PMPCA: variants seen among roughly 807,000 people sequenced by gnomAD.
The protein encoded by PMPCA is mitochondrial-processing peptidase subunit alpha.
A neutral mutation model predicts 59.3 loss-of-function variants in PMPCA; 47 were observed. The observed-to-expected ratio is 0.79, with a 90% CI of 0.63 to 1.01. The LOEUF is 1.01. PMPCA is among the 50% of genes least tolerant of loss of function. The probability of loss-of-function intolerance (pLI) is 0.00; values close to 1 mark genes in which losing one functional copy is unlikely to be tolerated. For synonymous variants in PMPCA, 338 were observed against 290.3 expected (o/e 1.16, Z -1.67); for missense variants, 726 against 704.5 (o/e 1.03, Z -0.34).
chr9:136,412,652 T>C (rs1054402500), intron 3 of PMPCA, 83 bp downstream of exon 3: 19 of 814,282 alleles, frequency 2.3e-5, no homozygotes, highest in Non-Finnish European at 3.7e-5. Flanking sequence ...GTTATTTTAA[T>C]AAATTATCAA....
At position 136,417,233 on chromosome 9, in the gene PMPCA, C is replaced by T. The variant is rs749936833; in HGVS notation, c.897+19C>T. 1.3e-6 allele frequency: 2 copies of T among 1,547,376 alleles called. No homozygotes were observed. The highest frequency in any genetic ancestry group is 2.3e-5 in the East Asian group (1 of 43,930). On this transcript the variant is annotated intron_variant, in intron 7 of 12. Coordinates refer to ENST00000371717, the MANE Select transcript of PMPCA (RefSeq NM_015160.3). ...TGCCAAGGTGAAGTAGCGGGAACGT[C>T]TCATGGCCTCGGGTGGGGAACACGT... is the stretch of plus-strand genomic sequence containing the variant.
intron 12 of PMPCA, 152 bp downstream of exon 12, chr9:136,422,128 C>T (rs773469852): frequency 1.3e-5 from 20 of 1,543,790 alleles, no homozygotes; most frequent in Middle Eastern, 1.7e-4. Context: ...GCAGGGGCGG[C>T]CAAGGGCAGG....
intron 7 of PMPCA, 87 bp downstream of exon 7, chr9:136,417,301 G>A (rs920406122): frequency 8.7e-7 from 1 of 1,150,480 alleles, no homozygotes; most frequent in African/African-American, 1.5e-5. Flanking sequence ...TGATTCTGAG[G>A]GTGATAGGTG....
Position 136,418,926 on chromosome 9 carries a change from C to A in PMPCA, c.1200+8C>A, listed in dbSNP as rs370626417. 9 of 1,612,340 alleles carry A rather than the reference C, an allele frequency of 5.6e-6. No individual in the cohort carries two copies. In the East Asian group the frequency reaches 2.0e-4, roughly 36 times the overall value. On this transcript the variant is annotated splice_region_variant and intron_variant, in intron 10 of 12. Transcript: ENST00000371717. ...AGCGCCGACCCAAGACAGGTGAGGGCCCCGCCTGCCACCGTCCTCAGTGCG... is the reference window on the plus strand; with the variant it reads ...AGCGCCGACCCAAGACAGGTGAGGGACCCGCCTGCCACCGTCCTCAGTGCG...
chr9:136,416,094 G>T (rs1011417303), intron 5 of PMPCA, 197 bp from the exon 6 acceptor site: 15 of 592,632 alleles, frequency 2.5e-5, no homozygotes, highest in Non-Finnish European at 3.9e-5. Context: ...GTGAGGCCCA[G>T]GTCCCCTAGC....
In PMPCA at chr9:136,412,097, A is replaced by G. The variant is rs367845329; in HGVS notation, c.172A>G (p.Thr58Ala). 8 of 1,613,302 alleles carry G rather than the reference A, an allele frequency of 5.0e-6. No homozygotes were observed. The highest frequency in any genetic ancestry group is 5.1e-6 in the Non-Finnish European group (6 of 1,179,270). ...TGGAGTACCCAAGCCTGTTTTTGCTACAGTTGATGGACAGGAAAAGTTTGA... is the reference window on the plus strand; with the variant it reads ...TGGAGTACCCAAGCCTGTTTTTGCTGCAGTTGATGGACAGGAAAAGTTTGA... The part of the protein sequence containing the change: ...LPGVPKPVFA[T>A]VDGQEKFETK... The change falls in exon 2 of 13, where the codon ACA becomes GCA. Residue 58 changes from threonine to alanine, a missense_variant. Thr to Ala is a moderately conservative substitution (Grantham distance 58, BLOSUM62 0). Transcript: ENST00000371717.
At chr9:136,412,293 A>C (rs1216725962) in intron 2 of PMPCA, 94 bp downstream of exon 2, 1 of 984,222 alleles carries the variant, frequency 1.0e-6, no homozygotes, top group Admixed American at 1.7e-5. Context: ...CCAATTATGA[A>C]TTGTACCCTG....
chr9:136,411,948 G>A (rs1463488360), intron 1 of PMPCA, 49 bp from the exon 2 acceptor site: 5 of 1,112,372 alleles, frequency 4.5e-6, no homozygotes, highest in South Asian at 1.3e-5. Flanking sequence ...GGTCATCACA[G>A]GTTTGTTGTC....
At position 136,417,029 on chromosome 9, in the gene PMPCA, C is replaced by T; in HGVS notation, c.712C>T (p.Leu238=). 2 of 1,613,734 alleles carry T rather than the reference C, an allele frequency of 1.2e-6. No homozygotes were observed. The highest frequency in any genetic ancestry group is 8.5e-7 in the Non-Finnish European group (1 of 1,179,994). Residue 238 remains leucine (L), a synonymous_variant, in exon 7 of 13, where the codon CTG becomes TTG. Transcript: ENST00000371717. The part of the protein sequence containing the change: ...ENVAKINREV[L]HSYLRNYYTP... ...CGTAGCAAAGATCAACCGAGAGGTG[C>T]TGCATTCCTACCTGAGGAACTACTA...
Position 136,418,877 on chromosome 9 carries a change from A to G in PMPCA, c.1159A>G (p.Thr387Ala), listed in dbSNP as rs747465871. The change falls in exon 10 of 13, where the codon ACT becomes GCT. Residue 387 changes from threonine to alanine, a missense_variant. Thr to Ala is a moderately conservative substitution (Grantham distance 58). Coordinates refer to ENST00000371717, the MANE Select transcript of PMPCA (RefSeq NM_015160.3). ...ATSYHHSYED[T>A]GLLCIHASAD... ...CTCCTACCACCACAGCTACGAGGACACTGGCCTCCTTTGCATCCATGCCAG... is the reference window on the plus strand; with the variant it reads ...CTCCTACCACCACAGCTACGAGGACGCTGGCCTCCTTTGCATCCATGCCAG... 5 of 1,613,674 alleles carry G rather than the reference A, an allele frequency of 3.1e-6. 1 individual carries two copies. Among genetic ancestry groups the G allele is most frequent in the Admixed American group, 3.3e-5 (2 of 60,014 alleles).
chr9:136,423,017 C>G, intron 12 of PMPCA, 78 bp from the exon 13 acceptor site: 7 of 1,508,794 alleles, frequency 4.6e-6, no homozygotes, highest in Non-Finnish European at 6.2e-6. Context: ...CAGCCGCCCC[C>G]TCCGTGTGTT....
At chr9:136,416,269 T>A in intron 5 of PMPCA, 22 bp from the exon 6 acceptor site, 2 of 1,569,794 alleles carry the variant, frequency 1.3e-6, no homozygotes, top group Non-Finnish European at 1.8e-6. Context: ...GACTCAGCCC[T>A]GGCCTTTGGG....
Position 136,412,806 on chromosome 9 carries a change from C to A in PMPCA, c.355-4C>A. 7 of 1,563,204 alleles carry A rather than the reference C, an allele frequency of 4.5e-6. No individual in the cohort carries two copies. The highest frequency in any genetic ancestry group is 5.3e-6 in the Non-Finnish European group (6 of 1,134,130). ...ATTTAGGTTTCCTTATTTATTTTTA[C>A]TAGTCTACTGCTCGATTTGACAGCA... On this transcript the variant is annotated splice_region_variant and splice_polypyrimidine_tract_variant and intron_variant, in intron 3 of 12. Transcript: ENST00000371717.
At position 136,412,045 on chromosome 9, in the gene PMPCA, C is replaced by G; in HGVS notation, c.120C>G (p.Pro40=). Residue 40 remains proline, a synonymous_variant, in exon 2 of 13, where the codon CCC becomes CCG. Transcript: ENST00000371717. ...YRRFSSGGAY[P]NIPLSSPLPG... ...GGTTTAGTAGTGGTGGTGCCTATCC[C>G]AACATCCCCCTCTCTTCTCCCTTAC... The G allele has an allele frequency of 1.2e-6, 2 of 1,613,370 alleles. No individual in the cohort carries two copies. The highest frequency in any genetic ancestry group is 1.7e-6 in the Non-Finnish European group (2 of 1,179,356).
chr9:136,419,422 T>G (rs1008563614), intron 11 of PMPCA: 1 of 492,244 alleles, frequency 2.0e-6, no homozygotes, highest in African/African-American at 1.9e-5. Flanking sequence ...TGTGACTCTC[T>G]CAGCTTTGCT....
At chr9:136,414,721 G>A in intron 5 of PMPCA, 74 bp downstream of exon 5, 6 of 893,294 alleles carry the variant, frequency 6.7e-6, no homozygotes, top group Non-Finnish European at 1.1e-5. Flanking sequence ...CAGAAGCCCT[G>A]TAGCCATGAG....
intron 11 of PMPCA, 114 bp from the exon 12 acceptor site, chr9:136,421,718 C>CCCTTTCTT: frequency 9.6e-7 from 1 of 1,037,758 alleles, no homozygotes; most frequent in Admixed American, 2.3e-5. Context: ...GGCTGCCCTT[C>CCCTTTCTT]CCTTTCTTAT....
At chr9:136,422,250 A>C (rs1226798784) in intron 12 of PMPCA, 13 of 1,377,376 alleles carry the variant, frequency 9.4e-6, no homozygotes, top group Middle Eastern at 1.9e-4. Context: ...ACTACTGCCC[A>C]GAGTTGTTAA....
chr9:136,421,071 G>C (rs182040217), intron 11 of PMPCA: 1 of 152,390 alleles, frequency 6.6e-6, no homozygotes, highest in Admixed American at 6.5e-5. Context: ...GGCAGCCTAG[G>C]ACCCGCACTG....
Sources: allele counts gnomAD v4.1 joint callset, GRCh38; gene constraint gnomAD v4.1.1; transcripts MANE v1.5; gene names NCBI Gene and HGNC (gene_info 2026-07-23, HGNC 2026-07-21).